The following PDE8B variants were observed in gnomAD, a reference collection of about 807,000 sequenced individuals.
PDE8B encodes phosphodiesterase 8B, also known as high affinity cAMP-specific and IBMX-insensitive 3',5'-cyclic phosphodiesterase 8B.
A neutral mutation model predicts 101.3 loss-of-function variants in PDE8B; 26 were observed. The observed-to-expected ratio is 0.26, with a 90% confidence interval of 0.19 to 0.36. The LOEUF (loss-of-function observed/expected upper bound fraction) is 0.36. Ranked by LOEUF, PDE8B falls within the 10% of genes least tolerant of loss-of-function variation. The pLI is 1.00. For missense variants in PDE8B, 810 were observed against 1,163.1 expected, an observed-to-expected ratio of 0.70 and a Z score of 4.42; for synonymous variants, 424 against 429.3, an observed-to-expected ratio of 0.99 and a Z score of 0.15.
intron 21 of PDE8B, chr5:77,426,152 A>C: frequency 1.7e-6 from 1 of 592,910 alleles, no homozygotes. Context: ...ACACGCTGCC[A>C]AAGCTTACTG....
At chr5:77,144,764 G>C in the PDE8B span, 2 of 152,044 alleles carry the variant, frequency 1.3e-5, no homozygotes, top group African/African-American at 4.8e-5. Context: ...TCTCTTCACC[G>C]AAGCAGCAAC....
chr5:77,424,811 G>GTTTTTTT (rs1004087096), intron 20 of PDE8B, among the ~76,000 whole-genome samples: 1 of 111,224 alleles, frequency 9.0e-6, no homozygotes, highest in African/African-American at 3.1e-5. Flanking sequence ...AACTGGTTCT[G>GTTTTTTT]TTTTTTTGTT....
the PDE8B span, among the ~76,000 whole-genome samples, chr5:77,122,280 C>T: frequency 1.3e-5 from 2 of 152,196 alleles, no homozygotes; most frequent in African/African-American, 2.4e-5. Context: ...GTCCTAGACA[C>T]AGTCCTTCCT....
At chr5:77,342,983 G>T (rs1779485282) in intron 6 of PDE8B, among the ~76,000 whole-genome samples, 1 of 152,182 alleles carries the variant, frequency 6.6e-6, no homozygotes, top group Non-Finnish European at 1.5e-5. Flanking sequence ...AATTGTTGGA[G>T]ACTTAACTTC....
At chr5:77,422,009 A>C (rs1381346182) in intron 20 of PDE8B, 21 bp downstream of exon 20, 11 of 1,611,636 alleles carry the variant, frequency 6.8e-6, no homozygotes, top group South Asian at 1.1e-5. Context: ...TTTCCAGGGA[A>C]GCTCCACTTC....
chr5:77,248,864 T>C (rs747880308), intron 1 of PDE8B, among the ~76,000 whole-genome samples: 3 of 152,150 alleles, frequency 2.0e-5, no homozygotes, highest in Non-Finnish European at 2.9e-5. Flanking sequence ...AGTATCCCTA[T>C]AAGAAGAGAC....
chr5:77,198,852 A>G, the PDE8B span, among the ~76,000 whole-genome samples: 1 of 151,766 alleles, frequency 6.6e-6, no homozygotes, highest in African/African-American at 2.4e-5. Context: ...TTTTTTCTCC[A>G]TTCTTCTTCT....
chr5:77,101,878 G>A, the PDE8B span, among the ~76,000 whole-genome samples: 1 of 152,090 alleles, frequency 6.6e-6, no homozygotes, highest in Admixed American at 6.5e-5. Flanking sequence ...GGGGAGAGAT[G>A]GGGAGTCATT....
chr5:77,186,033 T>C, the PDE8B span, among the ~76,000 whole-genome samples: 1 of 152,330 alleles, frequency 6.6e-6, no homozygotes, highest in African/African-American at 2.4e-5. Context: ...ATAATCTATG[T>C]AAAGTGGTTG....
At chr5:77,257,098 T>G (rs1006744129) in intron 1 of PDE8B, among the ~76,000 whole-genome samples, 2 of 152,100 alleles carry the variant, frequency 1.3e-5, no homozygotes, top group Non-Finnish European at 2.9e-5. Flanking sequence ...TAAGATATAT[T>G]AGACATTTCA....
chr5:77,243,776 T>G (rs1332905199), intron 1 of PDE8B, among the ~76,000 whole-genome samples: 4 of 152,144 alleles, frequency 2.6e-5, no homozygotes, highest in Admixed American at 6.5e-5. Flanking sequence ...ATTTTTAAAT[T>G]TTTGCTATTA....
chr5:77,400,111 C>T (rs1363909290), intron 10 of PDE8B, 137 bp from the exon 11 acceptor site: 5 of 685,562 alleles, frequency 7.3e-6, no homozygotes, highest in Non-Finnish European at 7.9e-6. Flanking sequence ...TGTCTTTCAT[C>T]TGTTCATATT....
At chr5:77,147,131 G>T in the PDE8B span, 2 of 271,550 alleles carry the variant, frequency 7.4e-6, no homozygotes, top group South Asian at 3.1e-5. Flanking sequence ...GGAAGAAGAG[G>T]AAGATGAAGA....
At chr5:77,401,890 CTG>C (rs1200470647) in intron 11 of PDE8B, among the ~76,000 whole-genome samples, 4 of 152,106 alleles carry the variant, frequency 2.6e-5, no homozygotes, top group African/African-American at 9.7e-5. Flanking sequence ...TTAATTTTAA[CTG>C]AGATAAAATG....
At chr5:77,140,992 A>T in the PDE8B span, 1 of 152,058 alleles carries the variant, frequency 6.6e-6, no homozygotes, top group Non-Finnish European at 1.5e-5. Flanking sequence ...ATATAAAAAA[A>T]TTTTCTCTGT....
intron 10 of PDE8B, chr5:77,358,521 C>G: frequency 4.2e-6 from 3 of 720,664 alleles, no homozygotes; most frequent in Non-Finnish European, 5.1e-6. Flanking sequence ...ATGTATGCCC[C>G]ATAGACATCA....
chr5:77,198,519 C>T, the PDE8B span, among the ~76,000 whole-genome samples: 2 of 152,192 alleles, frequency 1.3e-5, no homozygotes, highest in Non-Finnish European at 2.9e-5. Flanking sequence ...ATCGGTGAAA[C>T]CACTGTGCTC....
At chr5:77,243,659 T>C (rs1756242625) in intron 1 of PDE8B, among the ~76,000 whole-genome samples, 1 of 152,202 alleles carries the variant, frequency 6.6e-6, no homozygotes, top group African/African-American at 2.4e-5. Context: ...TCATTCATGT[T>C]GTAGCATGTG....
chr5:77,279,247 G>GT (rs886488129), intron 1 of PDE8B, among the ~76,000 whole-genome samples: 9 of 152,164 alleles, frequency 5.9e-5, no homozygotes, highest in East Asian at 3.8e-4. Context: ...AAACAGGATA[G>GT]TTTTTTTATT....
Sources: gnomAD v4.1 joint callset for allele counts (sites outside exome capture counted in the v4.1 genomes callset) on GRCh38, gnomAD v4.1.1 for gene constraint, MANE v1.5 for transcripts, NCBI Gene and HGNC (gene_info 2026-07-23, HGNC 2026-07-21) for gene names.